The following P2RY14 variants were observed in gnomAD, a reference collection of about 807,000 sequenced individuals.
The protein encoded by P2RY14 is P2Y purinoceptor 14.
Under a neutral mutation model 0.9 loss-of-function variants are expected in P2RY14, and 2 were observed. The ratio of observed to expected loss-of-function variants is 2.16; its 90% CI spans 0.88 to 6.79. P2RY14 has a LOEUF of 6.79. Among genes scored for constraint, P2RY14 ranks in the 30% most tolerant of loss-of-function variants. The pLI is 0.05. For synonymous variants in P2RY14, 158 were observed against 147.2 expected (o/e 1.07, Z -0.53); for missense variants, 378 against 400.1 (o/e 0.94, Z 0.47).
chr3:151,221,126 C>A (rs1295730751), intron 1 of P2RY14, among the ~76,000 whole-genome samples: 1 of 152,104 alleles, frequency 6.6e-6, no homozygotes, highest in African/African-American at 2.4e-5. Flanking sequence ...TTTGCCCCTA[C>A]CCTAGAGATT....
intron 1 of P2RY14, among the ~76,000 whole-genome samples, chr3:151,250,370 T>C (rs1736602763): frequency 6.6e-6 from 1 of 152,228 alleles, no homozygotes. Context: ...ATCATCACCA[T>C]GCATCTCTAG....
chr3:151,269,874 C>G, intron 1 of P2RY14: 1 of 459,910 alleles, frequency 2.2e-6, no homozygotes, highest in Non-Finnish European at 4.3e-6. Flanking sequence ...CACGAAGAAC[C>G]AGAGAGCTTC....
intron 2 of P2RY14, among the ~76,000 whole-genome samples, chr3:151,215,830 G>T (rs570662325): frequency 6.6e-6 from 1 of 152,272 alleles, no homozygotes; most frequent in South Asian, 2.1e-4. Flanking sequence ...CCCCAGCACT[G>T]AGTTCCTGCT....
chr3:151,244,289 TC>T (rs1231331323), intron 1 of P2RY14, among the ~76,000 whole-genome samples: 1 of 128,272 alleles, frequency 7.8e-6, no homozygotes, highest in African/African-American at 2.7e-5. Flanking sequence ...TACAGAACTC[TC>T]CACCCCAAAT....
intron 1 of P2RY14, among the ~76,000 whole-genome samples, chr3:151,266,563 A>G (rs752491051): frequency 6.6e-6 from 1 of 152,212 alleles, no homozygotes; most frequent in East Asian, 1.9e-4. Flanking sequence ...AGCGTTAGCT[A>G]TAAGAGATGG....
At chr3:151,260,195 A>T (rs1158559102) in intron 1 of P2RY14, among the ~76,000 whole-genome samples, 1 of 152,186 alleles carries the variant, frequency 6.6e-6, no homozygotes. Context: ...GTTTAAAAAT[A>T]AAGAAAAGAG....
At chr3:151,272,788 C>T (rs1420395969) in intron 1 of P2RY14, among the ~76,000 whole-genome samples, 1 of 151,944 alleles carries the variant, frequency 6.6e-6, no homozygotes, top group Non-Finnish European at 1.5e-5. Context: ...TTTTGACTCT[C>T]AACTATGTAC....
At chr3:151,236,522 A>G (rs1732845774) in intron 1 of P2RY14, among the ~76,000 whole-genome samples, 1 of 152,344 alleles carries the variant, frequency 6.6e-6, no homozygotes, top group Admixed American at 6.5e-5. Flanking sequence ...AGACCTTGAC[A>G]GTAAGCAGCT....
At chr3:151,240,122 C>T (rs1271915274) in intron 1 of P2RY14, among the ~76,000 whole-genome samples, 1 of 151,816 alleles carries the variant, frequency 6.6e-6, no homozygotes, top group Non-Finnish European at 1.5e-5. Flanking sequence ...CCATAACTGT[C>T]AGGACCATTG....
chr3:151,213,428 A>G lies in P2RY14; in HGVS notation c.889T>C (p.Phe297Leu). 1.2e-6 allele frequency: 2 copies of G among 1,614,208 alleles called. No individual in the cohort carries two copies. The highest frequency in any genetic ancestry group is 1.7e-6 in the Non-Finnish European group (2 of 1,180,008). The change falls in exon 3 of 3, where the codon TTT becomes CTT. Residue 297 changes from phenylalanine (F) to leucine (L), a missense_variant. Transcript: ENST00000309170. The part of the protein sequence containing the change: ...NVCLDPIIYF[F>L]LCQPFREILC... ...ATTTCCCTAAACGGCTGGCATAGAAAGAAATAAATAATAGGGTCCAAGCAT... is the reference window on the plus strand; with the variant it reads ...ATTTCCCTAAACGGCTGGCATAGAAGGAAATAAATAATAGGGTCCAAGCAT...
At chr3:151,247,504 T>C (rs1233435636) in intron 1 of P2RY14, among the ~76,000 whole-genome samples, 1 of 150,112 alleles carries the variant, frequency 6.7e-6, no homozygotes, top group Non-Finnish European at 1.5e-5. Context: ...CAGTAAACTA[T>C]CGCAAGAACA....
intron 1 of P2RY14, among the ~76,000 whole-genome samples, chr3:151,223,991 T>A (rs571081092): frequency 5.3e-5 from 8 of 152,368 alleles, no homozygotes; most frequent in Admixed American, 3.3e-4. Flanking sequence ...CTGTGATATT[T>A]TATTTCTTAA....
intron 1 of P2RY14, among the ~76,000 whole-genome samples, chr3:151,231,966 A>T (rs889811491): frequency 6.6e-6 from 1 of 152,056 alleles, no homozygotes; most frequent in Non-Finnish European, 1.5e-5. Flanking sequence ...TTTTTTGCTG[A>T]TATATGCATG....
At chr3:151,262,152 G>A (rs1577163681) in intron 1 of P2RY14, among the ~76,000 whole-genome samples, 1 of 152,176 alleles carries the variant, frequency 6.6e-6, no homozygotes, top group Admixed American at 6.5e-5. Context: ...CTAGAAAAAT[G>A]TACAGACACA....
chr3:151,268,769 A>G (rs1482821180), intron 1 of P2RY14, among the ~76,000 whole-genome samples: 2 of 152,222 alleles, frequency 1.3e-5, no homozygotes, highest in Non-Finnish European at 2.9e-5. Flanking sequence ...CTACTAACAG[A>G]TGAAATGGAG....
At chr3:151,244,867 G>A (rs956170597) in intron 1 of P2RY14, among the ~76,000 whole-genome samples, 15 of 152,042 alleles carry the variant, frequency 9.9e-5, no homozygotes, top group African/African-American at 2.4e-4. Flanking sequence ...TTGATAGACC[G>A]CTAGCAAGAC....
At chr3:151,248,164 T>G (rs1736114862) in intron 1 of P2RY14, among the ~76,000 whole-genome samples, 1 of 151,990 alleles carries the variant, frequency 6.6e-6, no homozygotes, top group African/African-American at 2.4e-5. Context: ...TATTTAAATG[T>G]TTAACGCTCA....
intron 1 of P2RY14, among the ~76,000 whole-genome samples, chr3:151,237,605 C>G (rs1733180802): frequency 6.6e-6 from 1 of 152,168 alleles, no homozygotes; most frequent in African/African-American, 2.4e-5. Flanking sequence ...CCCGCCTCGG[C>G]CTCCCAAAGT....
chr3:151,219,928 A>G (rs921342729), intron 1 of P2RY14, among the ~76,000 whole-genome samples: 5 of 124,202 alleles, frequency 4.0e-5, no homozygotes, highest in Non-Finnish European at 6.4e-5. Flanking sequence ...GATCGAATCA[A>G]TTTATCAAAT....
Sources: allele counts gnomAD v4.1 joint callset (sites outside exome capture counted in the v4.1 genomes callset), GRCh38; gene constraint gnomAD v4.1.1; transcripts MANE v1.5; gene names NCBI Gene and HGNC (gene_info 2026-07-23, HGNC 2026-07-21).